Variants in NAV3 observed in about 807,000 individuals in gnomAD.
NAV3 encodes pore membrane and/or filament interacting like protein 1.
In NAV3, 87 loss-of-function variants were observed where a neutral mutation model predicts 244.7. The ratio of observed to expected loss-of-function variants is 0.36; its 90% CI spans 0.30 to 0.42. The LOEUF (loss-of-function observed/expected upper bound fraction) is 0.42. Among genes scored for constraint, NAV3 ranks in the 20% least tolerant of loss-of-function variants. The probability of loss-of-function intolerance (pLI) is 1.00; values close to 1 mark genes in which losing one functional copy is unlikely to be tolerated. For synonymous variants in NAV3, 1,126 were observed against 1,042.2 expected, an observed-to-expected ratio of 1.08 and a Z score of -1.55; for missense variants, 2,663 against 2,893.3, an observed-to-expected ratio of 0.92 and a Z score of 1.83.
Position 77,982,848 on chromosome 12 carries a change from C to A in NAV3, c.672-11955C>A, listed in dbSNP as rs552576310. ...CAAGATGACTTCTTCACTCACAGGT[C>A]TAGCAGCTTAACTGAAATTCACACG... On this transcript the variant is annotated intron_variant, in intron 5 of 39. Transcript: ENST00000397909. Among the ~76,000 whole-genome samples, 11 of 152,294 alleles carry A rather than the reference C, an allele frequency of 7.2e-5. No individual in the cohort carries two copies. In the East Asian group the frequency reaches 1.7e-3, roughly 24 times the overall value.
chr12:77,890,256 T>A (rs573521697), intron 1 of NAV3, among the ~76,000 whole-genome samples: 277 of 152,184 alleles, frequency 1.8e-3, no homozygotes, highest in African/African-American at 6.2e-3. Context: ...TCACTATGTC[T>A]GGCTTTTTAT....
At chr12:78,191,791 C>T (rs1297158154) in intron 34 of NAV3, among the ~76,000 whole-genome samples, 1 of 151,958 alleles carries the variant, frequency 6.6e-6, no homozygotes, top group African/African-American at 2.4e-5. Flanking sequence ...TATTTTCAGC[C>T]AAAAAATATG....
At chr12:77,851,458 C>G (rs7488384) in intron 1 of NAV3, among the ~76,000 whole-genome samples, 1 of 152,026 alleles carries the variant, frequency 6.6e-6, no homozygotes, top group Admixed American at 6.6e-5. Flanking sequence ...AAGAAAAGTT[C>G]TTGAATTTGG....
intron 39 of NAV3, among the ~76,000 whole-genome samples, chr12:78,207,515 T>C (rs944959399): frequency 6.6e-6 from 1 of 152,070 alleles, no homozygotes; most frequent in African/African-American, 2.4e-5. Flanking sequence ...TTAAGTAAAA[T>C]TGTGAGTTCA....
intron 2 of NAV3, among the ~76,000 whole-genome samples, chr12:77,651,330 C>A (rs1872812509): frequency 6.6e-6 from 1 of 152,208 alleles, no homozygotes; most frequent in South Asian, 2.1e-4. Flanking sequence ...AGCCCTTAAT[C>A]CTTTCAGACT....
chr12:77,869,313 G>A (rs528815183), intron 1 of NAV3, among the ~76,000 whole-genome samples: 2 of 152,006 alleles, frequency 1.3e-5, no homozygotes, highest in Non-Finnish European at 2.9e-5. Context: ...TTGGGGGCAA[G>A]GTTTTTGAGT....
intron 1 of NAV3, among the ~76,000 whole-genome samples, chr12:77,924,118 C>T (rs1887966282): frequency 6.6e-6 from 1 of 152,030 alleles, no homozygotes; most frequent in Admixed American, 6.6e-5. Flanking sequence ...CACAGTGTTT[C>T]CTGGGGGTTG....
chr12:77,987,816 G>T (rs536793326), intron 5 of NAV3, among the ~76,000 whole-genome samples: 7 of 152,240 alleles, frequency 4.6e-5, no homozygotes, highest in African/African-American at 1.7e-4. Context: ...TGAGATTGGG[G>T]TTTGAAATAT....
At chr12:78,000,527 G>T in intron 7 of NAV3, among the ~76,000 whole-genome samples, 1 of 124,754 alleles carries the variant, frequency 8.0e-6, no homozygotes, top group African/African-American at 3.2e-5. Context: ...TTTTTGAGAC[G>T]GAGTCTCACT....
intron 12 of NAV3, among the ~76,000 whole-genome samples, chr12:78,109,148 G>A (rs547575524): frequency 1.3e-5 from 2 of 151,970 alleles, no homozygotes; most frequent in African/African-American, 4.8e-5. Context: ...GAAATAAAAA[G>A]GATCATCAGA....
rs2136288129 is a variant in NAV3, at chr12:77,855,794, C to G, written c.243+24090C>G. On this transcript the variant is annotated intron_variant, in intron 1 of 39. Coordinates refer to ENST00000397909, the MANE Select transcript of NAV3 (RefSeq NM_001024383.2). ...GCTAATGCCAGATGTATGAGTGAGTCGTTGACTGCCAGCACATTGCAGATA... is the reference window on the plus strand; with the variant it reads ...GCTAATGCCAGATGTATGAGTGAGTGGTTGACTGCCAGCACATTGCAGATA... 1.3e-5 allele frequency among the ~76,000 whole-genome samples: 2 copies of G among 152,308 alleles called. 1 individual carries two copies. Among genetic ancestry groups the G allele is most frequent in the South Asian group, 4.1e-4 (2 of 4,830 alleles).
At chr12:77,581,769 T>C (rs1869374489) in intron 2 of NAV3, among the ~76,000 whole-genome samples, 1 of 152,194 alleles carries the variant, frequency 6.6e-6, no homozygotes, top group African/African-American at 2.4e-5. Flanking sequence ...TCAAAATAAT[T>C]GCACACAGAT....
chr12:78,137,362 G>T lies in NAV3; in HGVS notation c.4627G>T (p.Glu1543Ter). 1 of 1,609,280 alleles carries T rather than the reference G, an allele frequency of 6.2e-7. No homozygotes were observed. The change falls in exon 19 of 40, where the codon GAA becomes TAA. Residue 1543 changes from glutamate to a stop codon, truncating the protein, a stop_gained. Coordinates refer to ENST00000397909, the MANE Select transcript of NAV3 (RefSeq NM_001024383.2). LOFTEE classifies it high-confidence loss of function. ...HSGSFRDSME[E>*]VHGSSLSLVS... The stretch of plus-strand genomic sequence containing the variant: ...GGGCTCATTCAGAGACAGCATGGAA[G>T]AAGGTAAGCGTTGAGGGGGATTAAA...
intron 16 of NAV3, among the ~76,000 whole-genome samples, chr12:78,126,210 TAGA>T (rs1040083968): frequency 2.0e-5 from 3 of 152,160 alleles, no homozygotes; most frequent in Non-Finnish European, 4.4e-5. Context: ...GGAGTACACA[TAGA>T]AGAAAACATT....
Position 78,018,014 on chromosome 12 carries a change from C to G in NAV3, c.1908-3733C>G, listed in dbSNP as rs76312110. On this transcript the variant is annotated intron_variant, in intron 8 of 39. Transcript: ENST00000397909. ...GTCCCATTTCCATGTGAATATAAAG[C>G]AAGGATGACTTCTAAGTCCTTTTTA... 3.8e-3 allele frequency among the ~76,000 whole-genome samples: 575 copies of G among 152,210 alleles called. 8 individuals carry two copies. The highest frequency in any genetic ancestry group is 0.013 in the African/African-American group (552 of 41,540).
chr12:77,958,836 A>G (rs1891608077), intron 3 of NAV3, among the ~76,000 whole-genome samples: 1 of 152,296 alleles, frequency 6.6e-6, no homozygotes, highest in Admixed American at 6.5e-5. Flanking sequence ...TGTGCTTGAC[A>G]TTAAATTGTG....
At chr12:77,719,557 A>T (rs758693757) in intron 2 of NAV3, among the ~76,000 whole-genome samples, 1 of 152,166 alleles carries the variant, frequency 6.6e-6, no homozygotes, top group Non-Finnish European at 1.5e-5. Flanking sequence ...CCCTGTTGAC[A>T]TAATCATATG....
intron 2 of NAV3, among the ~76,000 whole-genome samples, chr12:77,756,086 TA>T (rs1326903667): frequency 2.6e-5 from 4 of 152,262 alleles, no homozygotes; most frequent in East Asian, 1.9e-4. Context: ...TTGTTCTCTT[TA>T]AAAAATAAAG....
intron 39 of NAV3, among the ~76,000 whole-genome samples, chr12:78,207,876 A>C (rs374022083): frequency 2.0e-5 from 3 of 152,184 alleles, no homozygotes; most frequent in African/African-American, 2.4e-5. Context: ...TTAATAACAG[A>C]GTAGAGAGAG....
Sources: gnomAD v4.1 joint callset for allele counts (sites outside exome capture counted in the v4.1 genomes callset) on GRCh38, gnomAD v4.1.1 for gene constraint, MANE v1.5 for transcripts, NCBI Gene and HGNC (gene_info 2026-07-23, HGNC 2026-07-21) for gene names.